Variants in PID1 observed in about 807,000 individuals in gnomAD.
PID1 encodes PTB-containing, cubilin and LRP1-interacting protein.
A neutral mutation model predicts 19.1 loss-of-function variants in PID1; 10 were observed. The ratio of observed to expected loss-of-function variants is 0.52; its 90% CI spans 0.32 to 0.89. The LOEUF (loss-of-function observed/expected upper bound fraction) is 0.89, where lower values mean the gene tolerates loss of function less well. Ranked by LOEUF, PID1 falls within the 40% of genes least tolerant of loss-of-function variation. The pLI, the probability that PID1 is intolerant of heterozygous loss-of-function variation, is 0.03. For missense variants in PID1, 248 were observed against 285.3 expected (o/e 0.87, Z 0.94); for synonymous variants, 130 against 116.0 (o/e 1.12, Z -0.78).
intron 2 of PID1, among the ~76,000 whole-genome samples, chr2:229,135,716 G>T (rs555757080): frequency 6.6e-6 from 1 of 152,268 alleles, no homozygotes; most frequent in South Asian, 2.1e-4. Flanking sequence ...GTGATGCACG[G>T]CATAAAAACA....
chr2:229,026,472 A>G (rs1693427001), intron 2 of PID1, among the ~76,000 whole-genome samples: 1 of 152,192 alleles, frequency 6.6e-6, no homozygotes, highest in Non-Finnish European at 1.5e-5. Context: ...TTTTCGGCCA[A>G]ACACACACAG....
At chr2:229,171,897 G>A (rs565999921) in intron 1 of PID1, among the ~76,000 whole-genome samples, 21 of 152,216 alleles carry the variant, frequency 1.4e-4, no homozygotes, top group African/African-American at 5.1e-4. Flanking sequence ...ATGAGCTCTG[G>A]TCTAAATCCA....
At chr2:229,147,802 T>A (rs1312286243) in intron 2 of PID1, among the ~76,000 whole-genome samples, 1 of 152,242 alleles carries the variant, frequency 6.6e-6, no homozygotes, top group African/African-American at 2.4e-5. Context: ...AAGAAAATTA[T>A]AATATTTGTC....
At chr2:229,208,803 A>C (rs947022198) in intron 1 of PID1, among the ~76,000 whole-genome samples, 2 of 152,202 alleles carry the variant, frequency 1.3e-5, no homozygotes, top group Admixed American at 1.3e-4. Flanking sequence ...AAAGGGGAAG[A>C]GGGAGAGGGA....
intron 2 of PID1, among the ~76,000 whole-genome samples, chr2:229,066,169 C>T (rs528501273): frequency 4.3e-4 from 65 of 152,028 alleles, no homozygotes; most frequent in Non-Finnish European, 5.9e-4. Flanking sequence ...CAATAGGAGC[C>T]AGCATACGGT....
intron 2 of PID1, among the ~76,000 whole-genome samples, chr2:229,078,254 T>C (rs2191835): frequency 0.61 from 93,161 of 152,120 alleles, 28,812 homozygotes; most frequent in Admixed American, 0.65. Flanking sequence ...TGTGGTATAC[T>C]GAGGCTTTGC....
intron 2 of PID1, among the ~76,000 whole-genome samples, chr2:229,081,852 A>T (rs1694675156): frequency 6.6e-6 from 1 of 152,334 alleles, no homozygotes; most frequent in South Asian, 2.1e-4. Context: ...GAATTTGCCA[A>T]ATAGCTCAGG....
At chr2:229,156,111 G>T in intron 1 of PID1, 147 bp from the exon 2 acceptor site, 1 of 662,350 alleles carries the variant, frequency 1.5e-6, no homozygotes. Flanking sequence ...CAGAGGAGGG[G>T]GAACTGTGTC....
At chr2:229,076,723 T>C (rs150909446) in intron 2 of PID1, among the ~76,000 whole-genome samples, 1 of 152,178 alleles carries the variant, frequency 6.6e-6, no homozygotes, top group Non-Finnish European at 1.5e-5. Flanking sequence ...GGACATGAAC[T>C]CACTCTCTTT....
At chr2:229,073,206 T>C (rs1038202641) in intron 2 of PID1, among the ~76,000 whole-genome samples, 3 of 152,142 alleles carry the variant, frequency 2.0e-5, no homozygotes, top group East Asian at 3.9e-4. Flanking sequence ...TTTGTATTTT[T>C]AGTAGAGATG....
At position 229,069,357 on chromosome 2, in the gene PID1, G is replaced by A. The variant is rs545967440; in HGVS notation, c.178-43249C>T. Among the ~76,000 whole-genome samples, 7 of 152,124 alleles carry A rather than the reference G, an allele frequency of 4.6e-5. No individual in the cohort carries two copies. The East Asian group carries it at 7.7e-4, about 17-fold the overall frequency. On this transcript the variant is annotated intron_variant, in intron 2 of 2. Coordinates refer to ENST00000392055, the MANE Select transcript of PID1 (RefSeq NM_001100818.2). ...ACTTTAGACAGTAAGGGAGAGAGGC[G>A]CCAGGCACAGTGGAGGGTATGCCTG...
chr2:229,084,927 C>A (rs538730759), intron 2 of PID1, among the ~76,000 whole-genome samples: 1 of 100,206 alleles, frequency 1.0e-5, no homozygotes, highest in Admixed American at 1.1e-4. Flanking sequence ...CTTAGTAGTT[C>A]AAAGGAGATA....
At chr2:229,231,949 T>C in intron 1 of PID1, 5 of 1,550,476 alleles carry the variant, frequency 3.2e-6, no homozygotes, top group South Asian at 1.2e-5. Flanking sequence ...AGGAAGATCA[T>C]GATCAAGGTG....
At chr2:229,076,745 A>G (rs551628490) in intron 2 of PID1, among the ~76,000 whole-genome samples, 2 of 152,324 alleles carry the variant, frequency 1.3e-5, no homozygotes, top group Admixed American at 1.3e-4. Context: ...ATGGCTGCAT[A>G]GTATATTCCA....
intron 1 of PID1, among the ~76,000 whole-genome samples, chr2:229,171,121 G>GT (rs779774814): frequency 5.3e-5 from 8 of 152,200 alleles, no homozygotes; most frequent in South Asian, 2.1e-4. Context: ...AACATAGCAC[G>GT]TACATGTTAT....
chr2:229,084,409 T>A (rs1390081120), intron 2 of PID1, among the ~76,000 whole-genome samples: 4 of 152,174 alleles, frequency 2.6e-5, no homozygotes, highest in Admixed American at 2.6e-4. Context: ...GGAAAAGTCT[T>A]TTCTTTCTAA....
At chr2:229,054,343 T>C (rs879293109) in intron 2 of PID1, among the ~76,000 whole-genome samples, 6 of 152,054 alleles carry the variant, frequency 3.9e-5, no homozygotes, top group East Asian at 3.9e-4. Flanking sequence ...GGAGTAGGGT[T>C]TGTGTTTTGA....
intron 2 of PID1, among the ~76,000 whole-genome samples, chr2:229,132,067 T>A (rs1168787301): frequency 6.6e-6 from 1 of 152,226 alleles, no homozygotes; most frequent in Non-Finnish European, 1.5e-5. Context: ...GGACTCCAGA[T>A]GATGGCACGT....
intron 1 of PID1, among the ~76,000 whole-genome samples, chr2:229,268,377 G>A (rs774976649): frequency 2.6e-5 from 4 of 152,152 alleles, no homozygotes; most frequent in East Asian, 3.8e-4. Flanking sequence ...ACTGTTCTAC[G>A]CAAAGATCTA....
Sources: gnomAD v4.1 joint callset for allele counts (sites outside exome capture counted in the v4.1 genomes callset) on GRCh38, gnomAD v4.1.1 for gene constraint, MANE v1.5 for transcripts, NCBI Gene and HGNC (gene_info 2026-07-23, HGNC 2026-07-21) for gene names.